SLC39A12: variants seen among roughly 807,000 people sequenced by gnomAD.
The protein encoded by SLC39A12 is solute carrier family 39 member 12.
Under a neutral mutation model 71.1 loss-of-function variants are expected in SLC39A12, and 63 were observed. The ratio of observed to expected loss-of-function variants is 0.89; its 90% confidence interval spans 0.72 to 1.09. The LOEUF is 1.09. Ranked by LOEUF, SLC39A12 falls within the 50% of genes least tolerant of loss-of-function variation. The pLI, the probability that SLC39A12 is intolerant of heterozygous loss-of-function variation, is 0.00. For missense variants in SLC39A12, 892 were observed against 812.6 expected (o/e 1.10, Z -1.19); for synonymous variants, 351 against 301.3 (o/e 1.16, Z -1.71).
intron 12 of SLC39A12, among the ~76,000 whole-genome samples, chr10:18,036,338 T>C (rs539899450): frequency 3.5e-4 from 53 of 152,240 alleles, no homozygotes; most frequent in African/African-American, 1.3e-3. Context: ...AGGTGTGGGA[T>C]ATAATCTCGT....
chr10:17,983,823 C>T (rs373257574), intron 6 of SLC39A12, among the ~76,000 whole-genome samples: 24 of 152,076 alleles, frequency 1.6e-4, no homozygotes, highest in East Asian at 5.8e-4. Context: ...CATCACTGTC[C>T]TCAATCGAAA....
Position 17,987,555 on chromosome 10 carries a change from T to G in SLC39A12, c.1173T>G (p.His391Gln), listed in dbSNP as rs746751860. ...TGGGGACAGCGCTGGTCCTTTTCCA[T>G]AGCTGTGAGGAGAACTACAGGCTTA... ...SMLGTALVLF[H>Q]SCEENYRLIL... Residue 391 changes from histidine (H) to glutamine (Q), a missense_variant, in exon 7 of 13, where the codon CAT (histidine) becomes CAG (glutamine). Transcript: ENST00000377369. 2 of 1,614,120 alleles carry G rather than the reference T, an allele frequency of 1.2e-6. No individual in the cohort carries two copies. The highest frequency in any genetic ancestry group is 2.2e-5 in the South Asian group (2 of 91,076).
At chr10:18,021,426 G>A (rs1446510049) in intron 12 of SLC39A12, among the ~76,000 whole-genome samples, 1 of 151,930 alleles carries the variant, frequency 6.6e-6, no homozygotes, top group African/African-American at 2.4e-5. Flanking sequence ...TTTTGTCTAA[G>A]ATAAGAATAG....
chr10:18,032,653 C>A (rs552949178), intron 12 of SLC39A12, among the ~76,000 whole-genome samples: 2 of 151,062 alleles, frequency 1.3e-5, no homozygotes, highest in South Asian at 2.1e-4. Context: ...CCTTCTCCTG[C>A]CTAATTGCCC....
At chr10:18,028,078 T>C (rs560028954) in intron 12 of SLC39A12, among the ~76,000 whole-genome samples, 72 of 152,326 alleles carry the variant, frequency 4.7e-4, no homozygotes, top group African/African-American at 1.6e-3. Flanking sequence ...ACTTTTAGGA[T>C]CCCTCTTGGA....
rs746841893 is a variant in SLC39A12, at chr10:17,965,484, G to A, written c.545G>A (p.Cys182Tyr). The change falls in exon 4 of 13, where the codon TGT (cysteine) becomes TAT (tyrosine). Residue 182 changes from cysteine (C) to tyrosine (Y), a missense_variant and splice_region_variant. Physicochemically the swap from Cys to Tyr is radical, Grantham distance 194. Transcript: ENST00000377369. ...RQYFDTSQSQ[C>Y]METKTLQKKS... The stretch of plus-strand genomic sequence containing the variant: ...TCTTTATTTTGTATCTGATTTCAGT[G>A]TATGGAAACCAAAACGCTGCAGAAA... 1.9e-6 allele frequency: 3 copies of A among 1,613,764 alleles called. No individual in the cohort carries two copies. In the Admixed American group the frequency reaches 5.0e-5, roughly 27 times the overall value.
intron 8 of SLC39A12, 92 bp from the exon 9 acceptor site, chr10:17,993,089 C>A: frequency 1.2e-6 from 1 of 820,538 alleles, no homozygotes; most frequent in Non-Finnish European, 1.9e-6. Flanking sequence ...ACCATTTTGG[C>A]CAATAGGCAA....
intron 12 of SLC39A12, among the ~76,000 whole-genome samples, chr10:18,035,266 C>A (rs1192021407): frequency 7.0e-6 from 1 of 143,154 alleles, no homozygotes; most frequent in South Asian, 2.2e-4. Flanking sequence ...TCCATTCTCC[C>A]CATCACTTTC....
chr10:18,007,196 C>T (rs1836051380), intron 12 of SLC39A12: 1 of 152,304 alleles, frequency 6.6e-6, no homozygotes, highest in Admixed American at 6.5e-5. Context: ...CCTGATCCTC[C>T]TTAGCTCCAG....
intron 12 of SLC39A12, among the ~76,000 whole-genome samples, chr10:18,035,932 TG>T (rs909390050): frequency 2.1e-4 from 32 of 152,152 alleles, no homozygotes; most frequent in African/African-American, 7.0e-4. Context: ...GTGCCCCTGC[TG>T]GGGGGTGCCT....
At chr10:17,991,009 G>T (rs1317800788) in intron 7 of SLC39A12, 142 bp from the exon 8 acceptor site, 1 of 775,000 alleles carries the variant, frequency 1.3e-6, no homozygotes, top group South Asian at 3.1e-5. Context: ...TGGACTTTTA[G>T]TGATTGTATT....
Position 17,961,756 on chromosome 10 carries a change from G to A in SLC39A12, c.437G>A (p.Ser146Asn). 1 of 1,614,030 alleles carries A rather than the reference G, an allele frequency of 6.2e-7. No individual in the cohort carries two copies. Among genetic ancestry groups the A allele is most frequent in the Non-Finnish European group, 8.5e-7 (1 of 1,179,942 alleles). ...AAAGAGTATAAATTTTACCTACACA[G>A]CCTACTGAGCCTCAGGCAGGATGAA... ...SNKEYKFYLH[S>N]LLSLRQDEDS... The change falls in exon 3 of 13, where the codon AGC becomes AAC. Residue 146 changes from serine (S) to asparagine (N), a missense_variant. Physicochemically the swap from Ser to Asn is conservative, Grantham distance 46. Coordinates refer to ENST00000377369, the MANE Select transcript of SLC39A12 (RefSeq NM_001145195.2).
chr10:18,036,221 G>T (rs1408823042), intron 12 of SLC39A12, among the ~76,000 whole-genome samples: 1 of 152,244 alleles, frequency 6.6e-6, no homozygotes, highest in African/African-American at 2.4e-5. Flanking sequence ...GCAAGCCTGG[G>T]CAATGGCGGG....
Position 17,987,543 on chromosome 10 carries a change from G to C in SLC39A12, c.1161G>C (p.Leu387=), listed in dbSNP as rs977391142. The change falls in exon 7 of 13, where the codon CTG becomes CTC. Residue 387 remains leucine (L), a synonymous_variant. Coordinates refer to ENST00000377369, the MANE Select transcript of SLC39A12 (RefSeq NM_001145195.2). ...LTLGSMLGTA[L]VLFHSCEENY... is the part of the protein sequence containing the mutation. The stretch of plus-strand genomic sequence containing the variant: ...TGGGCTCCATGCTGGGGACAGCGCT[G>C]GTCCTTTTCCATAGCTGTGAGGAGA... The C allele has an allele frequency of 4.3e-6, 7 of 1,614,006 alleles. No homozygotes were observed. The highest frequency in any genetic ancestry group is 3.3e-5 in the Admixed American group (2 of 60,000).
rs1006588153 is a variant in SLC39A12, at chr10:17,965,498, A to G, written c.559A>G (p.Thr187Ala). 1 of 1,614,126 alleles carries G rather than the reference A, an allele frequency of 6.2e-7. No homozygotes were observed. The highest frequency in any genetic ancestry group is 8.5e-7 in the Non-Finnish European group (1 of 1,180,008). Residue 187 changes from threonine to alanine, a missense_variant, in exon 4 of 13, where the codon ACG (threonine) becomes GCG (alanine). Coordinates refer to ENST00000377369, the MANE Select transcript of SLC39A12 (RefSeq NM_001145195.2). ...CTGATTTCAGTGTATGGAAACCAAA[A>G]CGCTGCAGAAAAAATCTGGAATAGT... ...TSQSQCMETK[T>A]LQKKSGIVSS...
chr10:18,042,351 C>T (rs1056905798), intron 12 of SLC39A12, among the ~76,000 whole-genome samples: 4 of 150,804 alleles, frequency 2.7e-5, no homozygotes, highest in Non-Finnish European at 4.4e-5. Flanking sequence ...CAATGGCACG[C>T]ACCTGGAAGG....
At position 17,965,458 on chromosome 10, in the gene SLC39A12, C is replaced by A. The variant is rs200404444; in HGVS notation, c.544-25C>A. The A allele has an allele frequency of 3.7e-6, 6 of 1,601,376 alleles. No homozygotes were observed. The East Asian group carries it at 1.3e-4, about 36-fold the overall frequency. ...AAATAACTTCAGATGTTACAATTTT[C>A]TCTTTATTTTGTATCTGATTTCAGT... On this transcript the variant is annotated intron_variant, in intron 3 of 12. Transcript: ENST00000377369.
At chr10:18,037,178 G>C (rs769476243) in intron 12 of SLC39A12, among the ~76,000 whole-genome samples, 3 of 151,980 alleles carry the variant, frequency 2.0e-5, no homozygotes, top group South Asian at 2.1e-4. Context: ...TCTTTTGCCT[G>C]ATTTTCTGTT....
At position 17,987,670 on chromosome 10, in the gene SLC39A12, T is replaced by G. The variant is rs773814950; in HGVS notation, c.1269+19T>G. The G allele has an allele frequency of 9.9e-6, 16 of 1,613,076 alleles. No individual in the cohort carries two copies. The highest frequency in any genetic ancestry group is 1.3e-5 in the Non-Finnish European group (15 of 1,179,782). On this transcript the variant is annotated intron_variant, in intron 7 of 12. Coordinates refer to ENST00000377369, the MANE Select transcript of SLC39A12 (RefSeq NM_001145195.2). ...CCCTCAGGTAATCTGGTCTTTTCCA[T>G]TTCAGATAAAGTTCACTTCATTGCT...
Sources: allele counts gnomAD v4.1 joint callset (sites outside exome capture counted in the v4.1 genomes callset), GRCh38; gene constraint gnomAD v4.1.1; transcripts MANE v1.5; gene names NCBI Gene and HGNC (gene_info 2026-07-23, HGNC 2026-07-21).